Variants in DNAH11 observed in about 807,000 individuals in gnomAD.
DNAH11 encodes the protein axonemal beta dynein heavy chain 11.
DNAH11 carries 442 observed loss-of-function variants against 526.0 expected under a neutral mutation model. The observed-to-expected ratio is 0.84, with a 90% CI of 0.78 to 0.91. The LOEUF (loss-of-function observed/expected upper bound fraction) is 0.91, where lower values mean the gene tolerates loss of function less well. Ranked by LOEUF, DNAH11 falls within the 40% of genes least tolerant of loss-of-function variation. The pLI is 0.00. For missense variants in DNAH11, 6,989 were observed against 5,448.7 expected, an observed-to-expected ratio of 1.28 and a Z score of -8.90; for synonymous variants, 2,461 against 1,935.9, an observed-to-expected ratio of 1.27 and a Z score of -7.12.
chr7:21,693,010 G>C (rs1783693837), intron 35 of DNAH11, among the ~76,000 whole-genome samples: 1 of 152,106 alleles, frequency 6.6e-6, no homozygotes, highest in African/African-American at 2.4e-5. Context: ...TCCTTTGTTA[G>C]ATACATACAT....
intron 56 of DNAH11, among the ~76,000 whole-genome samples, chr7:21,777,266 C>T (rs1309819675): frequency 6.6e-6 from 1 of 152,060 alleles, no homozygotes; most frequent in East Asian, 1.9e-4. Flanking sequence ...ATAATTTGTC[C>T]TTTTTTATTG....
chr7:21,577,073 C>A (rs1267710458), intron 8 of DNAH11, among the ~76,000 whole-genome samples: 1 of 152,186 alleles, frequency 6.6e-6, no homozygotes, highest in Non-Finnish European at 1.5e-5. Context: ...ATGATGAGTT[C>A]CCTGGATTTT....
intron 2 of DNAH11, among the ~76,000 whole-genome samples, chr7:21,557,652 G>A (rs1471424764): frequency 6.6e-6 from 1 of 152,100 alleles, no homozygotes; most frequent in African/African-American, 2.4e-5. Context: ...TGAATTTTCA[G>A]AGGACACATA....
intron 69 of DNAH11, among the ~76,000 whole-genome samples, chr7:21,863,876 A>AAT (rs773300650): frequency 1.4e-4 from 21 of 152,222 alleles, no homozygotes; most frequent in Non-Finnish European, 2.2e-4. Flanking sequence ...ATTTTAAGAT[A>AAT]ATATAAAGCT....
At chr7:21,589,606 T>C (rs1784602806) in intron 12 of DNAH11, among the ~76,000 whole-genome samples, 1 of 152,172 alleles carries the variant, frequency 6.6e-6, no homozygotes, top group Non-Finnish European at 1.5e-5. Context: ...TGTATTGTAA[T>C]TGTTTCTTTA....
At chr7:21,652,713 A>G (rs559348217) in intron 28 of DNAH11, among the ~76,000 whole-genome samples, 1 of 152,308 alleles carries the variant, frequency 6.6e-6, no homozygotes, top group South Asian at 2.1e-4. Flanking sequence ...ACTATTCTGC[A>G]AAGTCAGGAC....
intron 20 of DNAH11, among the ~76,000 whole-genome samples, chr7:21,613,117 T>A (rs1785599393): frequency 6.6e-6 from 1 of 151,808 alleles, no homozygotes. Flanking sequence ...TAAAAAAAAA[T>A]AGTGTGTATT....
intron 8 of DNAH11, among the ~76,000 whole-genome samples, chr7:21,579,115 G>T (rs75417560): frequency 6.6e-6 from 1 of 152,150 alleles, no homozygotes; most frequent in South Asian, 2.1e-4. Context: ...TTCTCCACAC[G>T]GCAGCCTGAG....
chr7:21,556,408 T>G (rs1330784471), intron 2 of DNAH11, among the ~76,000 whole-genome samples: 1 of 152,230 alleles, frequency 6.6e-6, no homozygotes, highest in Non-Finnish European at 1.5e-5. Context: ...TTGAATAACT[T>G]TAATTTTCTT....
chr7:21,816,547 A>C lies in DNAH11; in HGVS notation c.10413A>C (p.Glu3471Asp). 6.2e-7 allele frequency: 1 copy of C among 1,613,140 alleles called. No individual in the cohort carries two copies. The highest frequency in any genetic ancestry group is 8.5e-7 in the Non-Finnish European group (1 of 1,179,644). ...DDATIAAWNN[E>D]GLPSDRMSTE... is the part of the protein sequence containing the mutation. ...CTACAATTGCCGCCTGGAATAACGA[A>C]GGACTGCCCAGTGACAGAATGTCCA... The change falls in exon 64 of 82, where the codon GAA (glutamate) becomes GAC (aspartate). Residue 3471 changes from glutamate to aspartate, a missense_variant. Physicochemically the swap from Glu to Asp is conservative, Grantham distance 45. Coordinates refer to ENST00000409508, the MANE Select transcript of DNAH11 (RefSeq NM_001277115.2).
chr7:21,712,871 T>A (rs1300024763), intron 42 of DNAH11, among the ~76,000 whole-genome samples: 2 of 152,244 alleles, frequency 1.3e-5, no homozygotes, highest in African/African-American at 4.8e-5. Flanking sequence ...GGAATGCCTT[T>A]GTCATTTTTA....
At chr7:21,830,774 T>C (rs1045921796) in intron 65 of DNAH11, among the ~76,000 whole-genome samples, 20 of 152,190 alleles carry the variant, frequency 1.3e-4, no homozygotes, top group African/African-American at 4.8e-4. Flanking sequence ...ACTCACCCCA[T>C]GTCCTAGCCA....
chr7:21,640,824 G>C (rs911944253), intron 28 of DNAH11, among the ~76,000 whole-genome samples: 1 of 152,160 alleles, frequency 6.6e-6, no homozygotes, highest in Non-Finnish European at 1.5e-5. Flanking sequence ...ATAACTTGGT[G>C]TTGGGAGGGA....
chr7:21,692,272 A>C (rs1234237805), intron 35 of DNAH11, among the ~76,000 whole-genome samples: 1 of 152,224 alleles, frequency 6.6e-6, no homozygotes, highest in African/African-American at 2.4e-5. Flanking sequence ...ACAGTTGGTG[A>C]AAGCATAACC....
At chr7:21,682,863 C>A (rs1474312940) in intron 31 of DNAH11, among the ~76,000 whole-genome samples, 1 of 152,084 alleles carries the variant, frequency 6.6e-6, no homozygotes, top group East Asian at 1.9e-4. Flanking sequence ...ATTCCTTGAT[C>A]CAGCTTCAGG....
intron 2 of DNAH11, among the ~76,000 whole-genome samples, chr7:21,551,423 T>C (rs1783018815): frequency 1.3e-5 from 2 of 152,228 alleles, no homozygotes; most frequent in African/African-American, 4.8e-5. Context: ...GTTCCCCATG[T>C]ACCAATTCCT....
chr7:21,705,423 C>T (rs778207775), intron 38 of DNAH11, 37 bp from the exon 39 acceptor site: 1 of 1,611,432 alleles, frequency 6.2e-7, no homozygotes, highest in Non-Finnish European at 8.5e-7. Context: ...TCACCAACTC[C>T]TTAAAGGAAA....
intron 61 of DNAH11, among the ~76,000 whole-genome samples, chr7:21,791,499 G>A (rs1282705986): frequency 6.6e-6 from 1 of 152,200 alleles, no homozygotes; most frequent in Non-Finnish European, 1.5e-5. Context: ...ACATTGCAAA[G>A]ATAGTGTCCT....
intron 25 of DNAH11, among the ~76,000 whole-genome samples, chr7:21,627,198 A>G (rs1253522367): frequency 6.6e-6 from 1 of 152,084 alleles, no homozygotes; most frequent in African/African-American, 2.4e-5. Context: ...GTAGTTTGCA[A>G]ATATTTTCTC....
Sources: gnomAD v4.1 joint callset for allele counts (sites outside exome capture counted in the v4.1 genomes callset) on GRCh38, gnomAD v4.1.1 for gene constraint, MANE v1.5 for transcripts, NCBI Gene and HGNC (gene_info 2026-07-23, HGNC 2026-07-21) for gene names.